Variants in CCDC33 observed in about 807,000 individuals in gnomAD.
The protein encoded by CCDC33 is coiled-coil domain-containing protein 33.
A neutral mutation model predicts 91.9 loss-of-function variants in CCDC33; 94 were observed. That is an observed-to-expected ratio of 1.02 (90% CI 0.87 to 1.21). The LOEUF (loss-of-function observed/expected upper bound fraction) is 1.21. Ranked by LOEUF, CCDC33 falls within the 50% of genes most tolerant of loss-of-function variation. The pLI is 0.00. For synonymous variants in CCDC33, 396 were observed against 374.5 expected, an observed-to-expected ratio of 1.06 and a Z score of -0.66; for missense variants, 940 against 935.5, an observed-to-expected ratio of 1.00 and a Z score of -0.06.
chr15:74,247,564 G>A (rs985390712), intron 2 of CCDC33, among the ~76,000 whole-genome samples: 3 of 152,136 alleles, frequency 2.0e-5, no homozygotes, highest in Non-Finnish European at 4.4e-5. Flanking sequence ...CCTGGAGGAC[G>A]TTATGCTAGA....
rs2060098019 is a variant in CCDC33 at position 74,316,914 on chromosome 15, CT to C, written c.1291-13274del. 6.6e-6 allele frequency among the ~76,000 whole-genome samples: 1 copy of C among 152,178 alleles called. No individual in the cohort carries two copies. Among genetic ancestry groups the C allele is most frequent in the African/African-American group, 2.4e-5 (1 of 41,444 alleles). ...AACAGGCTTAGAGAGGTTAAGTGAC[CT>C]GTCCAAAGTCACACAGCTGCTTAGT... On this transcript the variant is annotated intron_variant, in intron 11 of 18. Coordinates refer to ENST00000398814, the MANE Select transcript of CCDC33 (RefSeq NM_025055.5). The surrounding 1 kb of genome is among the most constrained non-coding windows in gnomAD (Gnocchi z 4.7).
At chr15:74,206,243 T>C (rs2074259059) in intron 1 of CCDC33, among the ~76,000 whole-genome samples, 1 of 152,088 alleles carries the variant, frequency 6.6e-6, no homozygotes, top group African/African-American at 2.4e-5. Flanking sequence ...CCCTGCCCAG[T>C]CTGGTGCGGG....
Position 74,281,773 on chromosome 15 carries a change from C to A in CCDC33, c.1024-5C>A. 4 of 1,613,546 alleles carry A rather than the reference C, an allele frequency of 2.5e-6. No individual in the cohort carries two copies. The highest frequency in any genetic ancestry group is 3.4e-6 in the Non-Finnish European group (4 of 1,179,658). Reference sequence around the variant, plus strand: ...ATGGTCTGAGTGCTCCCTTTTCCTCCCCAGGACACCAGCCTGAAAACTATC... The same window carrying A: ...ATGGTCTGAGTGCTCCCTTTTCCTCACCAGGACACCAGCCTGAAAACTATC... On this transcript the variant is annotated splice_region_variant and splice_polypyrimidine_tract_variant and intron_variant, in intron 9 of 18. Transcript: ENST00000398814.
intron 10 of CCDC33, among the ~76,000 whole-genome samples, chr15:74,288,062 G>A (rs1372881568): frequency 6.6e-6 from 1 of 152,198 alleles, no homozygotes; most frequent in Non-Finnish European, 1.5e-5. Context: ...CAGAGAGAAG[G>A]AACTGAACAG....
intron 2 of CCDC33, among the ~76,000 whole-genome samples, chr15:74,254,393 T>G (rs2075798707): frequency 6.6e-6 from 1 of 152,210 alleles, no homozygotes. Flanking sequence ...CAGCCAAGTT[T>G]TACTTTCAGG....
intron 11 of CCDC33, among the ~76,000 whole-genome samples, chr15:74,320,938 T>C (rs1596115569): frequency 6.6e-6 from 1 of 152,318 alleles, no homozygotes; most frequent in East Asian, 1.9e-4. Context: ...GGAAGGGAGC[T>C]TGGCTGGGTG....
intron 8 of CCDC33, 43 bp from the exon 9 acceptor site, chr15:74,280,625 G>C (rs188599476): frequency 1.4e-6 from 2 of 1,435,348 alleles, no homozygotes; most frequent in Non-Finnish European, 1.8e-6. Context: ...TGGGGCCGAG[G>C]TGGGGGCTTT....
intron 10 of CCDC33, among the ~76,000 whole-genome samples, chr15:74,282,740 AC>A (rs1189828745): frequency 1.3e-5 from 2 of 152,198 alleles, no homozygotes; most frequent in African/African-American, 4.8e-5. Flanking sequence ...ATGTGAAGAC[AC>A]CCAGGGCTAA....
In CCDC33 at chr15:74,333,935, G is replaced by A. The variant is rs775372613; in HGVS notation, c.1993G>A (p.Ala665Thr). The A allele has an allele frequency of 2.7e-5, 44 of 1,613,456 alleles. No homozygotes were observed. The highest frequency in any genetic ancestry group is 6.7e-5 in the African/African-American group (5 of 74,922). The change falls in exon 17 of 19, where the codon GCT (alanine) becomes ACT (threonine). Residue 665 changes from alanine (A) to threonine (T), a missense_variant. Coordinates refer to ENST00000398814, the MANE Select transcript of CCDC33 (RefSeq NM_025055.5). ...KFNLLAKLEH[A>T]QSRILSLESQ... ...CAACCTCCTGGCCAAGCTGGAACACGCTCAGAGCCGGATCCTGTCCCTGGA... is the reference window on the plus strand; with the variant it reads ...CAACCTCCTGGCCAAGCTGGAACACACTCAGAGCCGGATCCTGTCCCTGGA...
chr15:74,250,363 C>G (rs1310176370), intron 2 of CCDC33, among the ~76,000 whole-genome samples: 2 of 152,192 alleles, frequency 1.3e-5, no homozygotes, highest in African/African-American at 4.8e-5. Flanking sequence ...TCCCCAGCAA[C>G]AGGACCTCCA....
chr15:74,265,465 C>G (rs369722695), intron 3 of CCDC33, among the ~76,000 whole-genome samples: 1 of 152,178 alleles, frequency 6.6e-6, no homozygotes. Flanking sequence ...TATAAAGATG[C>G]CTCAAGTGTC....
intron 10 of CCDC33, among the ~76,000 whole-genome samples, chr15:74,294,722 G>A (rs915885888): frequency 3.0e-4 from 45 of 150,580 alleles, no homozygotes; most frequent in Admixed American, 2.0e-3. Context: ...ACTCCAGCCC[G>A]GGCAAGAGAG....
In CCDC33 at chr15:74,258,645, C is replaced by T. The variant is rs78388652; in HGVS notation, c.186-3795C>T. On this transcript the variant is annotated intron_variant, in intron 2 of 18. Transcript: ENST00000398814. ...GTATGTGTGTGTGCATGCATTTGTGCGCATGTGTGTGCATGTGTGTGTATG... is the reference window on the plus strand; with the variant it reads ...GTATGTGTGTGTGCATGCATTTGTGTGCATGTGTGTGCATGTGTGTGTATG... Among the ~76,000 whole-genome samples the T allele has an allele frequency of 8.0e-3, 1,211 of 152,080 alleles. 26 individuals carry two copies. The highest frequency in any genetic ancestry group is 7.1e-3 in the Non-Finnish European group (482 of 67,978).
In CCDC33 at chr15:74,317,882, G is replaced by A. The variant is rs1388533396; in HGVS notation, c.1291-12307G>A. ...TCTAGGTGGCGGGCTGGCTTGTTTGGGTTTGTTTTTTTTTTTTTTTTTTTT... is the reference window on the plus strand; with the variant it reads ...TCTAGGTGGCGGGCTGGCTTGTTTGAGTTTGTTTTTTTTTTTTTTTTTTTT... On this transcript the variant is annotated intron_variant, in intron 11 of 18. Transcript: ENST00000398814. Among the ~76,000 whole-genome samples, 3 of 120,960 alleles carry A rather than the reference G, an allele frequency of 2.5e-5. No individual in the cohort carries two copies. In the East Asian group the frequency reaches 6.7e-4, roughly 27 times the overall value. 79.4% of individuals were successfully genotyped at this position (120,960 alleles called of 152,430 possible).
intron 10 of CCDC33, among the ~76,000 whole-genome samples, chr15:74,288,220 C>T (rs190919536): frequency 1.3e-4 from 20 of 152,354 alleles, no homozygotes; most frequent in East Asian, 9.6e-4. Context: ...CCCCCTGGCC[C>T]TGCCTTTTCC....
chr15:74,227,618 A>G (rs575795928), intron 2 of CCDC33, among the ~76,000 whole-genome samples: 1 of 152,296 alleles, frequency 6.6e-6, no homozygotes, highest in South Asian at 2.1e-4. Context: ...GCTGTTGGCT[A>G]ATGACACTTA....
chr15:74,242,254 C>T (rs1415216609), intron 1 of CCDC33, among the ~76,000 whole-genome samples: 2 of 152,172 alleles, frequency 1.3e-5, no homozygotes, highest in African/African-American at 4.8e-5. Context: ...GGCTTTGGGG[C>T]CCAGCATGGT....
chr15:74,271,922 C>A (rs927038469), intron 6 of CCDC33, 128 bp downstream of exon 6: 13 of 696,296 alleles, frequency 1.9e-5, no homozygotes. Flanking sequence ...TAAGGCCCTT[C>A]AAGCCTCTCC....
upstream of CCDC33, among the ~76,000 whole-genome samples, chr15:74,216,156 C>T (rs192626053): frequency 4.3e-4 from 66 of 152,244 alleles, 1 homozygote; most frequent in East Asian, 7.6e-3. Context: ...AGCTCCAAGA[C>T]CTCAGACCTG....
Sources: gnomAD v4.1 joint callset for allele counts (sites outside exome capture counted in the v4.1 genomes callset) on GRCh38, gnomAD v4.1.1 for gene constraint, Gnocchi (gnomAD v3.1) non-coding constraint, MANE v1.5 for transcripts, NCBI Gene and HGNC (gene_info 2026-07-23, HGNC 2026-07-21) for gene names.